The following MATR3 variants were observed in gnomAD, a reference collection of about 807,000 sequenced individuals.
MATR3 encodes the protein matrin 3, also known as matrin-3.
MATR3 carries 4 observed loss-of-function variants against 85.5 expected under a neutral mutation model. The ratio of observed to expected loss-of-function variants is 0.05; its 90% confidence interval spans 0.02 to 0.11. The LOEUF (loss-of-function observed/expected upper bound fraction) is 0.11. MATR3 is among the 10% of genes least tolerant of loss of function. MATR3 has a pLI of 1.00. For missense variants in MATR3, 685 were observed against 1,016.1 expected (o/e 0.67, Z 4.43); for synonymous variants, 336 against 343.1 (o/e 0.98, Z 0.23).
At chr5:139,328,779 A>G (rs1755983518) in intron 14 of MATR3, among the ~76,000 whole-genome samples, 1 of 152,158 alleles carries the variant, frequency 6.6e-6, no homozygotes, top group African/African-American at 2.4e-5. Flanking sequence ...GGACAGGCAG[A>G]TCACCTGAGA....
chr5:139,320,989 C>T (rs1334180317), intron 9 of MATR3, among the ~76,000 whole-genome samples: 11 of 150,652 alleles, frequency 7.3e-5, no homozygotes, highest in African/African-American at 2.2e-4. Context: ...ATCCCCTGAC[C>T]TTGTGATCCG....
rs551508493 is a variant in MATR3, at chr5:139,275,321, T to A, written c.-286-800T>A. ...CTAACATTTTCGTTATTGCTTTTAATCAGTAGTTGAGGTCTTGGCACGACT... is the reference window on the plus strand; with the variant it reads ...CTAACATTTTCGTTATTGCTTTTAAACAGTAGTTGAGGTCTTGGCACGACT... On this transcript the variant is annotated intron_variant, in intron 1 of 16. Transcript: ENST00000509990. 6.6e-5 allele frequency among the ~76,000 whole-genome samples: 10 copies of A among 152,018 alleles called. 1 individual carries two copies. The highest frequency in any genetic ancestry group is 6.8e-3 in the Middle Eastern group (2 of 294).
chr5:139,286,846 A>C (rs905280015), intron 3 of MATR3, among the ~76,000 whole-genome samples: 4 of 38,428 alleles, frequency 1.0e-4, no homozygotes, highest in Non-Finnish European at 2.9e-4. Context: ...TCCGTCTCAA[A>C]AAAAAAAAAA....
At position 139,325,480 on chromosome 5, in the gene MATR3, C is replaced by A; in HGVS notation, c.2189C>A (p.Ala730Glu). The change falls in exon 13 of 15, where the codon GCG becomes GAG. Residue 730 changes from alanine to glutamate, a missense_variant. Physicochemically the swap from Ala to Glu is moderately radical, Grantham distance 107. Coordinates refer to ENST00000394805, the MANE Select transcript of MATR3 (RefSeq NM_018834.6). The part of the protein sequence containing the change: ...IEELDQENEA[A>E]LENGIKNEEN... ...GAACTTGATCAAGAAAACGAAGCAG[C>A]GTTGGAAAATGGAATTAAAAATGAG... The A allele has an allele frequency of 6.2e-7, 1 of 1,614,092 alleles. No homozygotes were observed. The highest frequency in any genetic ancestry group is 1.1e-5 in the South Asian group (1 of 91,078).
chr5:139,290,989 C>T (rs1247630210), upstream of MATR3, among the ~76,000 whole-genome samples: 1 of 152,080 alleles, frequency 6.6e-6, no homozygotes, highest in East Asian at 1.9e-4. Flanking sequence ...CCTACATCTC[C>T]AGCCCTTTTT....
chr5:139,287,977 A>C lies in MATR3; in HGVS notation c.-178+8848A>C, dbSNP rs182996684. ...TCTAATCCCAGTACTTTGGGAGGCC[A>C]AGGCAGCCAGATCACATAAGCCCAG... On this transcript the variant is annotated intron_variant, in intron 3 of 16. Transcript: ENST00000509990. Among the ~76,000 whole-genome samples the C allele has an allele frequency of 1.4e-3, 215 of 152,276 alleles. 2 individuals are homozygous for C. The highest frequency in any genetic ancestry group is 1.6e-3 in the Admixed American group (25 of 15,294).
At position 139,317,602 on chromosome 5, in the gene MATR3, A is replaced by G; in HGVS notation, c.1189A>G (p.Ser397Gly). 6.2e-7 allele frequency: 1 copy of G among 1,611,792 alleles called. No homozygotes were observed. The highest frequency in any genetic ancestry group is 8.5e-7 in the Non-Finnish European group (1 of 1,179,774). Residue 397 changes from serine (S) to glycine (G), a missense_variant, in exon 7 of 15, where the codon AGC (serine) becomes GGC (glycine). By Grantham distance (56) the Ser-to-Gly change is moderately conservative (BLOSUM62 0). Coordinates refer to ENST00000394805, the MANE Select transcript of MATR3 (RefSeq NM_018834.6). ...RHMQKGRVET[S>G]RVVHIMDFQR... ...TTTTTCCCCTAATGGATAGGAAACTAGCAGAGTTGTTCACATCATGGATTT... is the reference window on the plus strand; with the variant it reads ...TTTTTCCCCTAATGGATAGGAAACTGGCAGAGTTGTTCACATCATGGATTT...
At chr5:139,314,606 GTT>G (rs977545633) in intron 2 of MATR3, 67 bp from the exon 3 acceptor site, 1 of 1,289,134 alleles carries the variant, frequency 7.8e-7, no homozygotes, top group Non-Finnish European at 1.1e-6. Flanking sequence ...ATATCCTAGA[GTT>G]TGAATGGTTC....
upstream of MATR3, among the ~76,000 whole-genome samples, chr5:139,293,097 T>G (rs1172632140): frequency 6.7e-6 from 1 of 149,088 alleles, no homozygotes; most frequent in Non-Finnish European, 1.5e-5. Context: ...ACGGAAAAAA[T>G]AAAAATAAAA....
At chr5:139,284,939 C>T (rs958185968) in intron 3 of MATR3, among the ~76,000 whole-genome samples, 10 of 152,040 alleles carry the variant, frequency 6.6e-5, no homozygotes, top group Admixed American at 3.9e-4. Flanking sequence ...GGACATGTGG[C>T]GCCATAGAAT....
chr5:139,307,710 T>C lies in MATR3; in HGVS notation c.295T>C (p.Ser99Pro), dbSNP rs781505263. Residue 99 changes from serine (S) to proline (P), a missense_variant, in exon 2 of 15, where the codon TCT becomes CCT. By Grantham distance (74) the Ser-to-Pro change is moderately conservative. Transcript: ENST00000394805. This position sits in a 1 kb window ranked among gnomAD's most constrained non-coding sequence, Gnocchi z 4.4. The part of the protein sequence containing the change: ...IGSRGPLPLS[S>P]QHRGDADQAS... ...AAGTAGAGGTCCACTCCCTTTATCT[T>C]CTCAACACCGTGGAGATGCAGACCA... is the stretch of plus-strand genomic sequence containing the variant. 6.2e-7 allele frequency: 1 copy of C among 1,614,138 alleles called. No individual in the cohort carries two copies. The highest frequency in any genetic ancestry group is 2.2e-5 in the East Asian group (1 of 44,886).
In MATR3 at chr5:139,313,346, T is replaced by TA. The variant is rs1554147353; in HGVS notation, c.913-1328dup. 3.3e-3 allele frequency: 394 copies of TA among 120,070 alleles called. 3 individuals are homozygous for TA. The highest frequency in any genetic ancestry group is 0.011 in the African/African-American group (363 of 33,278). 7.4% of individuals were successfully genotyped at this position (120,070 alleles called of 1,614,324 possible). The stretch of plus-strand genomic sequence containing the variant: ...ATAGTTCTTTTTTTTTTTTTTTTTT[T>TA]AGCACATTCCATGTGCCTGGCAAGG... On this transcript the variant is annotated intron_variant, in intron 2 of 14. Transcript: ENST00000394805.
At chr5:139,321,821 G>T (rs1237215369) in intron 9 of MATR3, 77 bp from the exon 10 acceptor site, 2 of 1,456,336 alleles carry the variant, frequency 1.4e-6, no homozygotes, top group Non-Finnish European at 1.9e-6. Context: ...CTAACCAGTA[G>T]GTAGAATACA....
At chr5:139,304,874 A>G (rs1754630431) in intron 1 of MATR3, among the ~76,000 whole-genome samples, 1 of 152,198 alleles carries the variant, frequency 6.6e-6, no homozygotes, top group Admixed American at 6.5e-5. Context: ...GCCCATGTGA[A>G]TGAGCCTTTA....
rs190578145 is a variant in MATR3 at position 139,329,829 on chromosome 5, A to G, written c.*434A>G. 590 of 454,602 alleles carry G rather than the reference A, an allele frequency of 1.3e-3. 3 individuals carry two copies. Among genetic ancestry groups the G allele is most frequent in the African/African-American group, 0.011 (539 of 50,126 alleles). 28.2% of individuals were successfully genotyped at this position (454,602 alleles called of 1,614,324 possible). A position where few individuals can be genotyped will look rare whatever the true frequency, so the allele number is the denominator to read the frequency against. On this transcript the variant is annotated 3_prime_UTR_variant, in exon 15 of 15. Coordinates refer to ENST00000394805, the MANE Select transcript of MATR3 (RefSeq NM_018834.6). Reference sequence around the variant, plus strand: ...TTCCATGTTTTAATCTGAGCCTTGCAGACTTTCATTTGGAGTTTGAACCCG... The same window carrying G: ...TTCCATGTTTTAATCTGAGCCTTGCGGACTTTCATTTGGAGTTTGAACCCG...
At chr5:139,303,248 C>T (rs1249738236) in intron 1 of MATR3, among the ~76,000 whole-genome samples, 5 of 152,118 alleles carry the variant, frequency 3.3e-5, no homozygotes, top group African/African-American at 1.2e-4. Flanking sequence ...ACTACAGGTG[C>T]GTGCCACCAT....
At chr5:139,293,524 C>T (rs1453823973), upstream of MATR3, 3 of 156,688 alleles carry the variant, frequency 1.9e-5, no homozygotes, top group Non-Finnish European at 4.2e-5. Flanking sequence ...CATTTCCCGC[C>T]TCAGCTGGAT....
At chr5:139,310,698 A>T (rs1324067620) in intron 2 of MATR3, 1 of 152,158 alleles carries the variant, frequency 6.6e-6, no homozygotes, top group Non-Finnish European at 1.5e-5. Context: ...ATAATTTGTC[A>T]TGGAGTGTCA....
chr5:139,308,265 C>G lies in MATR3; in HGVS notation c.850C>G (p.Leu284Val), dbSNP rs1393877421. 1 of 1,614,094 alleles carries G rather than the reference C, an allele frequency of 6.2e-7. No homozygotes were observed. Among genetic ancestry groups the G allele is most frequent in the South Asian group, 1.1e-5 (1 of 91,074 alleles). The change falls in exon 2 of 15, where the codon CTC becomes GTC. Residue 284 changes from leucine to valine, a missense_variant. Leu to Val is a conservative substitution (Grantham distance 32). Transcript: ENST00000394805. Reference protein sequence around the residue: ...PSSNIEDFHGLLPKGYPHLCS... With the variant: ...PSSNIEDFHGVLPKGYPHLCS... ...TAGCAATATTGAAGACTTCCATGGA[C>G]TCTTACCGAAGGGTTATCCCCATCT... is the stretch of plus-strand genomic sequence containing the variant.
Sources: gnomAD v4.1 joint callset for allele counts (sites outside exome capture counted in the v4.1 genomes callset) on GRCh38, gnomAD v4.1.1 for gene constraint, Gnocchi (gnomAD v3.1) non-coding constraint, MANE v1.5 for transcripts, NCBI Gene and HGNC (gene_info 2026-07-23, HGNC 2026-07-21) for gene names.